The following SH3GL2 variants were observed in gnomAD, a reference collection of about 807,000 sequenced individuals.
The protein encoded by SH3GL2 is SH3 domain containing GRB2 like 2, endophilin A1.
SH3GL2 carries 24 observed loss-of-function variants against 46.0 expected under a neutral mutation model. The ratio of observed to expected loss-of-function variants is 0.52; its 90% CI spans 0.38 to 0.73. The LOEUF is 0.73. Ranked by LOEUF, SH3GL2 falls within the 30% of genes least tolerant of loss-of-function variation. The probability of loss-of-function intolerance (pLI) is 0.00; values close to 1 mark genes in which losing one functional copy is unlikely to be tolerated. For synonymous variants in SH3GL2, 196 were observed against 147.1 expected, an observed-to-expected ratio of 1.33 and a Z score of -2.40; for missense variants, 413 against 424.2, an observed-to-expected ratio of 0.97 and a Z score of 0.23.
chr9:17,691,601 T>C (rs1206094082), intron 1 of SH3GL2, among the ~76,000 whole-genome samples: 1 of 152,152 alleles, frequency 6.6e-6, no homozygotes, highest in Non-Finnish European at 1.5e-5. Context: ...ATTGAACATA[T>C]GAAATAAGAC....
chr9:17,742,232 C>T (rs934855913), intron 1 of SH3GL2, among the ~76,000 whole-genome samples: 18 of 152,062 alleles, frequency 1.2e-4, no homozygotes, highest in Non-Finnish European at 2.9e-5. Flanking sequence ...AAATGCAATG[C>T]TGGGAAGAAT....
Position 17,789,473 on chromosome 9 carries a change from C to G in SH3GL2, c.547C>G (p.Leu183Val), listed in dbSNP as rs751741211. 1 of 1,613,224 alleles carries G rather than the reference C, an allele frequency of 6.2e-7. No homozygotes were observed. Among genetic ancestry groups the G allele is most frequent in the African/African-American group, 1.3e-5 (1 of 74,876 alleles). ...ACAAGGCAAGATTCCGGATGAAGAG[C>G]TTCGTCAAGCTCTAGAGAAATTTGA... Reference protein sequence around the residue: ...KRQGKIPDEELRQALEKFDES... With the variant: ...KRQGKIPDEEVRQALEKFDES... Residue 183 changes from leucine (L) to valine (V), a missense_variant, in exon 6 of 9, where the codon CTT becomes GTT. Transcript: ENST00000380607.
At chr9:17,633,482 G>A (rs1819478431) in intron 1 of SH3GL2, among the ~76,000 whole-genome samples, 1 of 152,164 alleles carries the variant, frequency 6.6e-6, no homozygotes, top group African/African-American at 2.4e-5. Context: ...TAAATGTTTT[G>A]CATATCGTCA....
At chr9:17,632,064 C>T (rs1370679708) in intron 1 of SH3GL2, among the ~76,000 whole-genome samples, 1 of 152,108 alleles carries the variant, frequency 6.6e-6, no homozygotes, top group Non-Finnish European at 1.5e-5. Flanking sequence ...TTCTTAACCA[C>T]ATAAAACATA....
intron 2 of SH3GL2, among the ~76,000 whole-genome samples, chr9:17,760,185 A>T (rs1823127637): frequency 6.6e-6 from 1 of 152,230 alleles, no homozygotes; most frequent in Non-Finnish European, 1.5e-5. Context: ...ATTTATATGT[A>T]GACAGGCACA....
intron 1 of SH3GL2, among the ~76,000 whole-genome samples, chr9:17,658,697 CT>C (rs1193195244): frequency 6.6e-6 from 1 of 152,156 alleles, no homozygotes; most frequent in East Asian, 1.9e-4. Flanking sequence ...GGGAGGAGAG[CT>C]GTTAGAAATT....
chr9:17,651,258 G>A (rs1819951918), intron 1 of SH3GL2, among the ~76,000 whole-genome samples: 1 of 152,056 alleles, frequency 6.6e-6, no homozygotes. Context: ...TTCCTGATGG[G>A]ATGTAATAGG....
chr9:17,712,283 C>G (rs1399257358), intron 1 of SH3GL2, among the ~76,000 whole-genome samples: 1 of 151,700 alleles, frequency 6.6e-6, no homozygotes, highest in East Asian at 1.9e-4. Context: ...CTAACAGTGT[C>G]TTCTGGGGAG....
chr9:17,608,776 T>A (rs1818806641), intron 1 of SH3GL2, among the ~76,000 whole-genome samples: 1 of 152,238 alleles, frequency 6.6e-6, no homozygotes, highest in Admixed American at 6.5e-5. Flanking sequence ...GATTTGAGGT[T>A]GAAATTAGGT....
intron 1 of SH3GL2, among the ~76,000 whole-genome samples, chr9:17,622,519 C>T (rs1819167863): frequency 6.6e-6 from 1 of 152,082 alleles, no homozygotes; most frequent in Admixed American, 6.5e-5. Flanking sequence ...CCAGATTCGG[C>T]GCCACCTGTG....
At chr9:17,687,906 C>CGGAAAATA in intron 1 of SH3GL2, among the ~76,000 whole-genome samples, 1 of 152,042 alleles carries the variant, frequency 6.6e-6, no homozygotes, top group Non-Finnish European at 1.5e-5. Context: ...CTGCCTACAG[C>CGGAAAATA]CAGTTCTGTT....
chr9:17,691,561 C>T (rs1162704308), intron 1 of SH3GL2, among the ~76,000 whole-genome samples: 2 of 152,016 alleles, frequency 1.3e-5, no homozygotes, highest in African/African-American at 2.4e-5. Context: ...GCGTATGACT[C>T]CCACATGTTG....
chr9:17,646,538 G>T (rs911376514), intron 1 of SH3GL2, among the ~76,000 whole-genome samples: 2 of 152,132 alleles, frequency 1.3e-5, no homozygotes, highest in African/African-American at 4.8e-5. Flanking sequence ...TTTGGTGTCA[G>T]TGACCTTTGG....
intron 1 of SH3GL2, among the ~76,000 whole-genome samples, chr9:17,705,988 A>G (rs1038670852): frequency 6.6e-6 from 1 of 152,084 alleles, no homozygotes; most frequent in Non-Finnish European, 1.5e-5. Context: ...TTTGTTTTAA[A>G]AAATGTTTAA....
At chr9:17,738,575 T>TATAGAG (rs146902227) in intron 1 of SH3GL2, among the ~76,000 whole-genome samples, 3,972 of 108,210 alleles carry the variant, frequency 0.037, 165 homozygotes, top group East Asian at 0.11. Flanking sequence ...CATATATATA[T>TATAGAG]AGAGAGAGAG....
At chr9:17,606,597 A>C (rs951377526) in intron 1 of SH3GL2, among the ~76,000 whole-genome samples, 6 of 152,190 alleles carry the variant, frequency 3.9e-5, no homozygotes, top group African/African-American at 1.4e-4. Context: ...GAGAGATCTG[A>C]TATAGGAAAC....
At chr9:17,595,381 A>G (rs1047414851) in intron 1 of SH3GL2, among the ~76,000 whole-genome samples, 2 of 152,254 alleles carry the variant, frequency 1.3e-5, no homozygotes, top group African/African-American at 4.8e-5. Context: ...TCAGACAGCA[A>G]TATCTGACAT....
rs1275736801 is a variant in SH3GL2, at chr9:17,787,533, T to C, written c.465+20T>C. 1 of 1,605,660 alleles carries C rather than the reference T, an allele frequency of 6.2e-7. No individual in the cohort carries two copies. Among genetic ancestry groups the C allele is most frequent in the Non-Finnish European group, 8.5e-7 (1 of 1,174,288 alleles). ...ATTCAAGTATGTACAATGAGTCTTC[T>C]GGAAAGTGGGCAGTTGAAATCATAC... On this transcript the variant is annotated intron_variant, in intron 5 of 8. Coordinates refer to ENST00000380607, the MANE Select transcript of SH3GL2 (RefSeq NM_003026.5).
At chr9:17,672,265 A>T (rs753638169) in intron 1 of SH3GL2, among the ~76,000 whole-genome samples, 5 of 152,156 alleles carry the variant, frequency 3.3e-5, no homozygotes, top group Non-Finnish European at 7.3e-5. Context: ...AAATTTTAGA[A>T]ATCTTGGTTT....
Sources: gnomAD v4.1 joint callset for allele counts (sites outside exome capture counted in the v4.1 genomes callset) on GRCh38, gnomAD v4.1.1 for gene constraint, MANE v1.5 for transcripts, NCBI Gene and HGNC (gene_info 2026-07-23, HGNC 2026-07-21) for gene names.